The following NCAM2 variants were observed in gnomAD, a reference collection of about 807,000 sequenced individuals.
NCAM2 encodes the protein N-CAM-2.
NCAM2 carries 30 observed loss-of-function variants against 98.1 expected under a neutral mutation model. The observed-to-expected ratio is 0.31, with a 90% CI of 0.23 to 0.41. The LOEUF is 0.41. Among genes scored for constraint, NCAM2 ranks in the 10% least tolerant of loss-of-function variants. The pLI, the probability that NCAM2 is intolerant of heterozygous loss-of-function variation, is 1.00. For missense variants in NCAM2, 867 were observed against 1,005.8 expected (o/e 0.86, Z 1.87); for synonymous variants, 368 against 342.4 (o/e 1.07, Z -0.83).
Position 21,229,685 on chromosome 21 carries a change from T to C in NCAM2, c.56-50893T>C, listed in dbSNP as rs1374194266. On this transcript the variant is annotated intron_variant, in intron 1 of 17. Transcript: ENST00000400546. ...TTATCTCATTATCTCATTCTGCCTATGAATCCCTTTTGTTCATACCATATT... is the reference window on the plus strand; with the variant it reads ...TTATCTCATTATCTCATTCTGCCTACGAATCCCTTTTGTTCATACCATATT... Among the ~76,000 whole-genome samples the C allele has an allele frequency of 2.6e-5, 4 of 151,480 alleles. No individual in the cohort carries two copies. In the Admixed American group the frequency reaches 2.6e-4, roughly 10 times the overall value.
At chr21:21,167,596 T>C (rs978003853) in intron 1 of NCAM2, among the ~76,000 whole-genome samples, 2 of 151,670 alleles carry the variant, frequency 1.3e-5, no homozygotes, top group Non-Finnish European at 2.9e-5. Flanking sequence ...CCTCAGAAAA[T>C]AGAAAAAAGA....
intron 1 of NCAM2, among the ~76,000 whole-genome samples, chr21:21,250,472 A>G (rs1460383455): frequency 6.6e-6 from 1 of 152,124 alleles, no homozygotes; most frequent in Admixed American, 6.6e-5. Context: ...TGATTAGGCT[A>G]TTTTTTCTAA....
intron 1 of NCAM2, chr21:21,223,364 A>T (rs2070248844): frequency 6.6e-6 from 1 of 152,182 alleles, no homozygotes; most frequent in African/African-American, 2.4e-5. Context: ...GAACCATTAT[A>T]CATGGTCAAT....
At chr21:21,160,406 T>C (rs1020236519) in intron 1 of NCAM2, among the ~76,000 whole-genome samples, 3 of 152,018 alleles carry the variant, frequency 2.0e-5, no homozygotes, top group African/African-American at 7.2e-5. Flanking sequence ...ATTAGATTTC[T>C]AGTGAGTATT....
At chr21:21,404,291 T>C (rs2076692329) in intron 9 of NCAM2, among the ~76,000 whole-genome samples, 1 of 152,126 alleles carries the variant, frequency 6.6e-6, no homozygotes, top group Middle Eastern at 3.2e-3. Context: ...TTTGGCTGTG[T>C]CCCCACCCAA....
intron 8 of NCAM2, among the ~76,000 whole-genome samples, chr21:21,353,563 T>A (rs897817995): frequency 6.6e-6 from 1 of 152,120 alleles, no homozygotes; most frequent in African/African-American, 2.4e-5. Flanking sequence ...GAAGATAGAT[T>A]CTCAGGCCAC....
At chr21:21,258,444 A>T (rs2071759439) in intron 1 of NCAM2, among the ~76,000 whole-genome samples, 5 of 152,144 alleles carry the variant, frequency 3.3e-5, no homozygotes, top group Admixed American at 3.3e-4. Flanking sequence ...AAGCAGAGAG[A>T]GTCTGGTAGA....
chr21:21,305,097 C>T (rs2073838668), intron 5 of NCAM2, among the ~76,000 whole-genome samples: 1 of 152,056 alleles, frequency 6.6e-6, no homozygotes, highest in Admixed American at 6.6e-5. Context: ...GCAGGTGGAT[C>T]ACCTGAGGTC....
At position 21,332,805 on chromosome 21, in the gene NCAM2, A is replaced by T. The variant is rs1303877993; in HGVS notation, c.738-2700A>T. Among the ~76,000 whole-genome samples, 4 of 152,290 alleles carry T rather than the reference A, an allele frequency of 2.6e-5. No individual in the cohort carries two copies. The East Asian group carries it at 7.7e-4, about 29-fold the overall frequency. ...GAAAACTCTCTTCAGGCAGTCAGCG[A>T]TGGAGGTACTCATATGCCACTGTCA... On this transcript the variant is annotated intron_variant, in intron 6 of 17. Transcript: ENST00000400546.
chr21:21,163,313 G>A (rs550640279), intron 1 of NCAM2, among the ~76,000 whole-genome samples: 1 of 152,244 alleles, frequency 6.6e-6, no homozygotes, highest in African/African-American at 2.4e-5. Flanking sequence ...GCAGTTTACT[G>A]AAAGAAGGGA....
At chr21:21,241,134 C>G (rs1471769299) in intron 1 of NCAM2, among the ~76,000 whole-genome samples, 2 of 151,864 alleles carry the variant, frequency 1.3e-5, no homozygotes, top group African/African-American at 2.4e-5. Flanking sequence ...ATTCAGCATA[C>G]AATAGTATAT....
chr21:21,335,470 G>A (rs771333532), intron 6 of NCAM2, 35 bp from the exon 7 acceptor site: 3 of 1,551,896 alleles, frequency 1.9e-6, no homozygotes, highest in Non-Finnish European at 2.6e-6. Flanking sequence ...TATAAAGCCA[G>A]ATCTGTGAGG....
At position 21,273,614 on chromosome 21, in the gene NCAM2, T is replaced by G. The variant is rs560299422; in HGVS notation, c.56-6964T>G. 8.5e-5 allele frequency among the ~76,000 whole-genome samples: 13 copies of G among 152,214 alleles called. No homozygotes were observed. The East Asian group carries it at 1.9e-3, about 23-fold the overall frequency. On this transcript the variant is annotated intron_variant, in intron 1 of 17. Coordinates refer to ENST00000400546, the MANE Select transcript of NCAM2 (RefSeq NM_004540.5). ...TTTATTTTAAGAACACTAAACTTAT[T>G]AGTAGAATGGAGAGGACAGAATAAA... is the stretch of plus-strand genomic sequence containing the variant.
intron 5 of NCAM2, among the ~76,000 whole-genome samples, chr21:21,297,609 C>G (rs1032319367): frequency 2.6e-5 from 4 of 151,554 alleles, no homozygotes; most frequent in Non-Finnish European, 5.9e-5. Context: ...CAAACATGCC[C>G]ACTTACACAT....
chr21:21,238,143 G>A (rs1472174728), intron 1 of NCAM2, among the ~76,000 whole-genome samples: 1 of 151,682 alleles, frequency 6.6e-6, no homozygotes, highest in Non-Finnish European at 1.5e-5. Flanking sequence ...TTTTAGTAGA[G>A]GTGGGGTTTT....
intron 1 of NCAM2, among the ~76,000 whole-genome samples, chr21:21,031,699 A>G (rs2064686334): frequency 6.6e-6 from 1 of 152,150 alleles, no homozygotes; most frequent in Non-Finnish European, 1.5e-5. Flanking sequence ...ATTTAATACT[A>G]TGCTGTAAGC....
chr21:21,493,592 T>G lies in NCAM2; in HGVS notation c.2078-15259T>G, dbSNP rs114192332. 3.2e-3 allele frequency among the ~76,000 whole-genome samples: 482 copies of G among 152,034 alleles called. 3 individuals carry two copies. The highest frequency in any genetic ancestry group is 0.011 in the African/African-American group (449 of 41,538). On this transcript the variant is annotated intron_variant, in intron 15 of 17. Coordinates refer to ENST00000400546, the MANE Select transcript of NCAM2 (RefSeq NM_004540.5). ...TACAGTTTACATTACGGTGCATACTTGGTGTTGTACATTTTATGGATTTGG... is the reference window on the plus strand; with the variant it reads ...TACAGTTTACATTACGGTGCATACTGGGTGTTGTACATTTTATGGATTTGG...
intron 1 of NCAM2, among the ~76,000 whole-genome samples, chr21:21,067,772 A>G (rs973538984): frequency 1.3e-5 from 2 of 152,242 alleles, no homozygotes; most frequent in East Asian, 3.8e-4. Flanking sequence ...GCAGGGCCAG[A>G]TCTATTTCTC....
intron 16 of NCAM2, among the ~76,000 whole-genome samples, chr21:21,530,970 C>G (rs1263206825): frequency 1.0e-3 from 156 of 152,158 alleles, no homozygotes; most frequent in Middle Eastern, 3.4e-3. Context: ...TATTAAATAT[C>G]ACCAATTTAT....
Sources: gnomAD v4.1 joint callset for allele counts (sites outside exome capture counted in the v4.1 genomes callset) on GRCh38, gnomAD v4.1.1 for gene constraint, MANE v1.5 for transcripts, NCBI Gene and HGNC (gene_info 2026-07-23, HGNC 2026-07-21) for gene names.